The following CELF5 variants were observed in gnomAD, a reference collection of about 807,000 sequenced individuals.
CELF5 encodes the protein CUGBP Elav-like family member 5.
A neutral mutation model predicts 54.9 loss-of-function variants in CELF5; 6 were observed. The observed-to-expected ratio is 0.11, with a 90% CI of 0.06 to 0.22. The LOEUF is 0.22. CELF5 is among the 10% of genes least tolerant of loss of function. CELF5 has a pLI of 1.00. For synonymous variants in CELF5, 271 were observed against 290.9 expected (o/e 0.93, Z 0.70); for missense variants, 401 against 678.6 (o/e 0.59, Z 4.54).
intron 2 of CELF5, among the ~76,000 whole-genome samples, chr19:3,263,840 GGCTGCAGTGAGCCGAGATT>G (rs1265304961): frequency 6.6e-6 from 1 of 152,072 alleles, no homozygotes; most frequent in Non-Finnish European, 1.5e-5. Context: ...GGGATATGGA[GGCTGCAGTGAGCCGAGATT>G]GCACCACTGC....
At chr19:3,235,677 G>GATGT (rs1568330072) in intron 1 of CELF5, among the ~76,000 whole-genome samples, 6 of 128,884 alleles carry the variant, frequency 4.7e-5, no homozygotes, top group African/African-American at 1.5e-4. Context: ...TGGATGGATG[G>GATGT]ATGTGTGGAT....
Position 3,276,345 on chromosome 19 carries a change from A to G in CELF5, c.523+361A>G, listed in dbSNP as rs1308453704. Among the ~76,000 whole-genome samples the G allele has an allele frequency of 2.2e-5, 3 of 138,044 alleles. 1 individual carries two copies. Among genetic ancestry groups the G allele is most frequent in the Admixed American group, 1.4e-4 (2 of 13,906 alleles). 90.6% of individuals were successfully genotyped at this position (138,044 alleles called of 152,430 possible). ...GGGTGGGGAGGAGCTGGCTCTGAGG[A>G]TGTAGCCCTGGAGAGGCCCGAGGCT... On this transcript the variant is annotated intron_variant, in intron 4 of 12. Transcript: ENST00000292672.
chr19:3,265,474 C>A (rs973889682), intron 2 of CELF5, among the ~76,000 whole-genome samples: 14 of 152,200 alleles, frequency 9.2e-5, no homozygotes, highest in African/African-American at 3.1e-4. Flanking sequence ...AGTTCAGAGG[C>A]AGTTCTGCAG....
chr19:3,291,962 T>C (rs569201822), intron 11 of CELF5, among the ~76,000 whole-genome samples: 2 of 152,198 alleles, frequency 1.3e-5, no homozygotes, highest in Non-Finnish European at 1.5e-5. Context: ...TTGGCTTTTT[T>C]TGAGGCAGAG....
In CELF5 at chr19:3,275,757, T is replaced by G; in HGVS notation, c.395-99T>G. The G allele has an allele frequency of 7.4e-7, 1 of 1,348,428 alleles. No homozygotes were observed. Among genetic ancestry groups the G allele is most frequent in the South Asian group, 1.5e-5 (1 of 68,850 alleles). The allele number at this position is 1,348,428 out of a possible 1,614,324, so 83.5% of individuals were successfully genotyped here. A position where few individuals can be genotyped will look rare whatever the true frequency, so the allele number is the denominator to read the frequency against. On this transcript the variant is annotated intron_variant, in intron 3 of 12. Transcript: ENST00000292672. This position sits in a 1 kb window ranked among gnomAD's most constrained non-coding sequence, Gnocchi z 6.7. The stretch of plus-strand genomic sequence containing the variant: ...CCGGCAGGGCCCGGGCGCCGCGTCT[T>G]CCTGCCCTGCCGCCTCCACTCTGCT...
intron 1 of CELF5, among the ~76,000 whole-genome samples, chr19:3,244,687 T>A (rs1177746721): frequency 7.0e-6 from 1 of 143,192 alleles, no homozygotes; most frequent in Non-Finnish European, 1.5e-5. Flanking sequence ...ATCGTGTGTG[T>A]AGTGTGTGGT....
chr19:3,273,845 A>G, intron 2 of CELF5, 27 bp from the exon 3 acceptor site: 9 of 1,504,228 alleles, frequency 6.0e-6, no homozygotes, highest in Non-Finnish European at 8.3e-6. Context: ...GCTAAGCTTG[A>G]CTTTTCCCTT....
In CELF5 at chr19:3,268,379, C is replaced by T. The variant is rs1041415414; in HGVS notation, c.343-5493C>T. On this transcript the variant is annotated intron_variant, in intron 2 of 12. Coordinates refer to ENST00000292672, the MANE Select transcript of CELF5 (RefSeq NM_021938.4). This position sits in a 1 kb window ranked among gnomAD's most constrained non-coding sequence, Gnocchi z 4.4. The stretch of plus-strand genomic sequence containing the variant: ...GAACGCAGAACCCGAGCTCGGCACA[C>T]AGGCACAGAATAAATGAATGAATAA... 2.6e-5 allele frequency among the ~76,000 whole-genome samples: 4 copies of T among 152,168 alleles called. No homozygotes were observed. The highest frequency in any genetic ancestry group is 7.2e-5 in the African/African-American group (3 of 41,430).
At position 3,275,806 on chromosome 19, in the gene CELF5, G is replaced by A. The variant is rs892924021; in HGVS notation, c.395-50G>A. 5.1e-6 allele frequency: 8 copies of A among 1,568,956 alleles called. No homozygotes were observed. Among genetic ancestry groups the A allele is most frequent in the Non-Finnish European group, 6.9e-6 (8 of 1,151,802 alleles). ...CTGGAGGGAGGGAGGAATCCCGGAG[G>A]CCCTCCCGGAGGCCGGGGACTCGGC... On this transcript the variant is annotated intron_variant, in intron 3 of 12. Coordinates refer to ENST00000292672, the MANE Select transcript of CELF5 (RefSeq NM_021938.4). This position sits in a 1 kb window ranked among gnomAD's most constrained non-coding sequence, Gnocchi z 6.7.
intron 1 of CELF5, among the ~76,000 whole-genome samples, chr19:3,234,149 C>G (rs1436070081): frequency 6.6e-6 from 1 of 152,132 alleles, no homozygotes; most frequent in African/African-American, 2.4e-5. Context: ...ACTTTGTACA[C>G]ATAGGGAAAT....
At chr19:3,236,383 G>A (rs1466497577) in intron 1 of CELF5, among the ~76,000 whole-genome samples, 1 of 152,122 alleles carries the variant, frequency 6.6e-6, no homozygotes, top group Non-Finnish European at 1.5e-5. Context: ...AGACTGTGAA[G>A]GCTCAGAGAG....
intron 11 of CELF5, among the ~76,000 whole-genome samples, chr19:3,292,034 C>T (rs887009006): frequency 9.2e-5 from 14 of 152,168 alleles, no homozygotes; most frequent in African/African-American, 3.4e-4. Context: ...GCAATCTCTG[C>T]CTCTTGGGTT....
chr19:3,243,738 T>A (rs562770422), intron 1 of CELF5, among the ~76,000 whole-genome samples: 1 of 152,150 alleles, frequency 6.6e-6, no homozygotes, highest in East Asian at 1.9e-4. Flanking sequence ...AATCAAGGTG[T>A]TGGCAGGGCT....
At chr19:3,286,842 GGC>G (rs1294040613) in intron 10 of CELF5, 1 of 151,588 alleles carries the variant, frequency 6.6e-6, no homozygotes, top group Non-Finnish European at 1.5e-5. Flanking sequence ...AGACCATCCT[GGC>G]TAACACGGGG....
chr19:3,284,647 T>G, intron 8 of CELF5: 1 of 529,484 alleles, frequency 1.9e-6, no homozygotes, highest in South Asian at 2.3e-5. Context: ...GAGAGGGAGA[T>G]GGGGACGATG....
In CELF5 at chr19:3,281,130, A is replaced by C. The variant is rs571790410; in HGVS notation, c.604-69A>C. 8 of 1,553,396 alleles carry C rather than the reference A, an allele frequency of 5.2e-6. No homozygotes were observed. The South Asian group carries it at 5.7e-5, about 11-fold the overall frequency. On this transcript the variant is annotated intron_variant, in intron 5 of 12. Transcript: ENST00000292672. The surrounding 1 kb of genome is among the most constrained non-coding windows in gnomAD (Gnocchi z 6.5). ...ACCCAGGAGGCCTGAGCTAACATGA[A>C]TCCAGGGACCCCAGAGTCCTGGCTA...
At chr19:3,250,869 ATGCATC>A in intron 1 of CELF5, 110 bp from the exon 2 acceptor site, 1 of 456,592 alleles carries the variant, frequency 2.2e-6, no homozygotes, top group Non-Finnish European at 3.9e-6. Flanking sequence ...GTGTAGATCT[ATGCATC>A]TGTGGATGGA....
intron 10 of CELF5, among the ~76,000 whole-genome samples, chr19:3,289,180 C>T (rs1194837988): frequency 6.6e-6 from 1 of 152,150 alleles, no homozygotes; most frequent in Non-Finnish European, 1.5e-5. Context: ...GATTTTGTTT[C>T]TGCATCATCT....
chr19:3,264,898 A>G (rs2079860080), intron 2 of CELF5, among the ~76,000 whole-genome samples: 1 of 151,902 alleles, frequency 6.6e-6, no homozygotes, highest in South Asian at 2.1e-4. Flanking sequence ...TATTTTTAAT[A>G]GAGATAGGGT....
Sources: allele counts gnomAD v4.1 joint callset (sites outside exome capture counted in the v4.1 genomes callset), GRCh38; gene constraint gnomAD v4.1.1; non-coding constraint Gnocchi (gnomAD v3.1); transcripts MANE v1.5; gene names NCBI Gene and HGNC (gene_info 2026-07-23, HGNC 2026-07-21).